The following LYST variants were observed in gnomAD, a reference collection of about 807,000 sequenced individuals.
LYST encodes the protein lysosomal-trafficking regulator.
LYST carries 192 observed loss-of-function variants against 413.6 expected under a neutral mutation model. That is an observed-to-expected ratio of 0.46 (90% CI 0.41 to 0.52). The LOEUF (loss-of-function observed/expected upper bound fraction) is 0.52. LYST is among the 20% of genes least tolerant of loss of function. The pLI is 0.00. For missense variants in LYST, 3,815 were observed against 4,499.9 expected (o/e 0.85, Z 4.35); for synonymous variants, 1,525 against 1,567.3 (o/e 0.97, Z 0.64).
intron 52 of LYST, 24 bp downstream of exon 52, chr1:235,663,960 C>T: frequency 1.3e-6 from 2 of 1,529,462 alleles, no homozygotes; most frequent in Non-Finnish European, 1.8e-6. Context: ...TATTCTGAAG[C>T]ATAAGAGGGG....
At chr1:235,744,929 G>C (rs1041905243) in intron 29 of LYST, among the ~76,000 whole-genome samples, 13 of 150,132 alleles carry the variant, frequency 8.7e-5, no homozygotes, top group African/African-American at 3.2e-4. Flanking sequence ...AGAAAGAAAA[G>C]TAAAAAAAGC....
intron 1 of LYST, among the ~76,000 whole-genome samples, chr1:235,843,270 AATAG>A (rs1677424890): frequency 6.6e-6 from 1 of 152,132 alleles, no homozygotes; most frequent in Non-Finnish European, 1.5e-5. Flanking sequence ...TAAATATTTT[AATAG>A]ATATTTATTA....
intron 10 of LYST, among the ~76,000 whole-genome samples, chr1:235,794,173 T>C (rs1295373819): frequency 1.3e-5 from 2 of 152,178 alleles, no homozygotes. Flanking sequence ...TAGCTACAAG[T>C]AAACTAAGGG....
Position 235,809,163 on chromosome 1 carries a change from A to G in LYST, c.1655T>C (p.Val552Ala), listed in dbSNP as rs199617821. The change falls in exon 5 of 53, where the codon GTG becomes GCG. Residue 552 changes from valine (V) to alanine (A), a missense_variant. By Grantham distance (64) the Val-to-Ala change is moderately conservative. This residue lies in a region of LYST where 1,648 missense variants were observed against 1,810.3 expected (regional missense o/e 0.91). Transcript: ENST00000389793. This position sits in a 1 kb window ranked among gnomAD's most constrained non-coding sequence, Gnocchi z 4.0. ...YYPERCCCIA[V>A]CAHQCLRLLQ... ...TAAGCGCAAGCACTGATGGGCACACACTGCAATGCAACAGCACCGCTCAGG... is the reference window on the plus strand; with the variant it reads ...TAAGCGCAAGCACTGATGGGCACACGCTGCAATGCAACAGCACCGCTCAGG... 453 of 1,614,004 alleles carry G rather than the reference A, an allele frequency of 2.8e-4. 2 individuals carry two copies. The highest frequency in any genetic ancestry group is 5.7e-5 in the Non-Finnish European group (67 of 1,179,990).
chr1:235,722,852 C>A (rs561727395), intron 39 of LYST, among the ~76,000 whole-genome samples: 2 of 152,226 alleles, frequency 1.3e-5, no homozygotes, highest in South Asian at 2.1e-4. Flanking sequence ...TTTTGGAGGT[C>A]AAAAATAATC....
intron 15 of LYST, 42 bp from the exon 16 acceptor site, chr1:235,781,097 A>C: frequency 8.0e-7 from 1 of 1,255,654 alleles, no homozygotes; most frequent in South Asian, 1.2e-5. Context: ...AAAACACCCT[A>C]ACCAGAATTT....
chr1:235,696,971 T>G, intron 46 of LYST, 112 bp downstream of exon 46: 2 of 1,025,788 alleles, frequency 1.9e-6, no homozygotes, highest in South Asian at 2.7e-5. Context: ...TAACCACAAA[T>G]TTGAGCTGAG....
chr1:235,688,002 C>A (rs1197133899), intron 47 of LYST, among the ~76,000 whole-genome samples: 1 of 152,178 alleles, frequency 6.6e-6, no homozygotes, highest in Non-Finnish European at 1.5e-5. Flanking sequence ...CTTCTTAACT[C>A]CCGTTATACC....
At chr1:235,868,775 A>G (rs1200164482), upstream of LYST, among the ~76,000 whole-genome samples, 1 of 152,064 alleles carries the variant, frequency 6.6e-6, no homozygotes, top group African/African-American at 2.4e-5. Flanking sequence ...GGCTCACTGC[A>G]ACCTCCGCCT....
chr1:235,718,074 C>T (rs992372207), intron 40 of LYST, among the ~76,000 whole-genome samples: 15 of 151,964 alleles, frequency 9.9e-5, no homozygotes, highest in Admixed American at 2.0e-4. Flanking sequence ...ATGTTGGCCA[C>T]GCTGGTCTCA....
At chr1:235,822,620 G>A (rs1674879235) in intron 3 of LYST, among the ~76,000 whole-genome samples, 1 of 152,210 alleles carries the variant, frequency 6.6e-6, no homozygotes, top group Non-Finnish European at 1.5e-5. Flanking sequence ...GTAGAGGGGA[G>A]TGAGTGTAGG....
At chr1:235,735,838 A>C (rs980211552) in intron 31 of LYST, 1 of 152,164 alleles carries the variant, frequency 6.6e-6, no homozygotes, top group African/African-American at 2.4e-5. Flanking sequence ...ATTTTAAATT[A>C]GTCAGAGACA....
chr1:235,836,975 C>T (rs1334049649), intron 1 of LYST, among the ~76,000 whole-genome samples: 1 of 152,144 alleles, frequency 6.6e-6, no homozygotes, highest in East Asian at 1.9e-4. Flanking sequence ...TTTTTAAAGC[C>T]ATGGAACTAG....
intron 31 of LYST, chr1:235,737,928 A>G: frequency 2.1e-3 from 2,512 of 1,169,578 alleles, no homozygotes; most frequent in Admixed American, 0.016. Flanking sequence ...TCTGGATCTC[A>G]CTGCCGCGTG....
Position 235,727,263 on chromosome 1 carries a change from T to C in LYST, c.9162+813A>G, listed in dbSNP as rs544392686. On this transcript the variant is annotated intron_variant, in intron 38 of 52. Coordinates refer to ENST00000389793, the MANE Select transcript of LYST (RefSeq NM_000081.4). ...TCAGCCTCCCGAGTAGCTGGGATTA[T>C]AGGCGCCACCACCACAACTGGCTAA... Among the ~76,000 whole-genome samples, 443 of 151,720 alleles carry C rather than the reference T, an allele frequency of 2.9e-3. 2 individuals carry two copies. Among genetic ancestry groups the C allele is most frequent in the African/African-American group, 0.01 (422 of 41,400 alleles).
chr1:235,782,945 T>C (rs146164878), intron 14 of LYST, among the ~76,000 whole-genome samples: 1 of 152,336 alleles, frequency 6.6e-6, no homozygotes, highest in African/African-American at 2.4e-5. Context: ...TTTTGCTTCA[T>C]GGATAACGGT....
chr1:235,790,323 T>C (rs1670853770), intron 12 of LYST, among the ~76,000 whole-genome samples: 1 of 152,200 alleles, frequency 6.6e-6, no homozygotes. Context: ...ACTTACCAGC[T>C]ACATAACTTG....
At chr1:235,793,643 G>C (rs1307371454) in intron 10 of LYST, 31 bp from the exon 11 acceptor site, 12 of 1,154,698 alleles carry the variant, frequency 1.0e-5, no homozygotes, top group Non-Finnish European at 1.4e-5. Context: ...AAAAATTAAA[G>C]CTAGTACACA....
chr1:235,752,164 T>C lies in LYST; in HGVS notation c.7468A>G (p.Met2490Val), dbSNP rs1378464894. 1 of 1,605,378 alleles carries C rather than the reference T, an allele frequency of 6.2e-7. No individual in the cohort carries two copies. Among genetic ancestry groups the C allele is most frequent in the Non-Finnish European group, 8.5e-7 (1 of 1,173,140 alleles). Residue 2490 changes from methionine to valine, a missense_variant, in exon 27 of 53, where the codon ATG becomes GTG. Met to Val is a conservative substitution (Grantham distance 21). Around this residue, in one of 4 missense-constraint regions of LYST, gnomAD observed 771 missense variants for 837.1 expected, o/e 0.92. Transcript: ENST00000389793. Reference protein sequence around the residue: ...ALNGLEKNIPMSEYKLLACDI... With the variant: ...ALNGLEKNIPVSEYKLLACDI... ...CAAGCAAGCAATTTATATTCACTCA[T>C]GGGAATGCTAAAGATAACAACAAAA...
Sources: allele counts gnomAD v4.1 joint callset (sites outside exome capture counted in the v4.1 genomes callset), GRCh38; gene constraint gnomAD v4.1.1; regional missense constraint gnomAD v4.1.1; non-coding constraint Gnocchi (gnomAD v3.1); transcripts MANE v1.5; gene names NCBI Gene and HGNC (gene_info 2026-07-23, HGNC 2026-07-21).